Variants in EIF4G3 observed in about 807,000 individuals in gnomAD.
EIF4G3 encodes the protein eIF-4-gamma 3.
EIF4G3 carries 34 observed loss-of-function variants against 186.4 expected under a neutral mutation model. That is an observed-to-expected ratio of 0.18 (90% CI 0.14 to 0.24). The LOEUF is 0.24. EIF4G3 is among the 10% of genes least tolerant of loss of function. The pLI is 1.00. For synonymous variants in EIF4G3, 673 were observed against 679.5 expected (o/e 0.99, Z 0.15); for missense variants, 1,536 against 1,948.5 (o/e 0.79, Z 3.99).
At chr1:20,989,537 A>G (rs2080511728) in intron 7 of EIF4G3, among the ~76,000 whole-genome samples, 2 of 146,606 alleles carry the variant, frequency 1.4e-5, no homozygotes, top group African/African-American at 2.6e-5. Flanking sequence ...AGCCTGGATA[A>G]CAAGAGCAAA....
At position 20,825,965 on chromosome 1, in the gene EIF4G3, G is replaced by A. The variant is rs1255418013; in HGVS notation, c.4270-767C>T. ...TGACAACGGAAAATGCCAGGTTTGAGGCTGTTGCTGTCATCTGAGAGGTAT... is the reference window on the plus strand; with the variant it reads ...TGACAACGGAAAATGCCAGGTTTGAAGCTGTTGCTGTCATCTGAGAGGTAT... On this transcript the variant is annotated intron_variant, in intron 32 of 36. Coordinates refer to ENST00000602326, the MANE Select transcript of EIF4G3 (RefSeq NM_001391906.1). 2.6e-5 allele frequency among the ~76,000 whole-genome samples: 4 copies of A among 152,216 alleles called. No individual in the cohort carries two copies. In the East Asian group the frequency reaches 7.7e-4, roughly 29 times the overall value.
At chr1:20,885,876 T>C (rs950345141) in intron 19 of EIF4G3, among the ~76,000 whole-genome samples, 7 of 152,084 alleles carry the variant, frequency 4.6e-5, no homozygotes, top group Non-Finnish European at 1.0e-4. Flanking sequence ...TTAGGATAAA[T>C]AGGATAAAGA....
At chr1:21,090,940 C>G (rs1278650036) in intron 2 of EIF4G3, among the ~76,000 whole-genome samples, 1 of 151,938 alleles carries the variant, frequency 6.6e-6, no homozygotes, top group Non-Finnish European at 1.5e-5. Context: ...TTATTTAGGC[C>G]AAGATGTCAA....
At chr1:21,031,674 G>A (rs756083262) in intron 4 of EIF4G3, among the ~76,000 whole-genome samples, 6 of 152,246 alleles carry the variant, frequency 3.9e-5, no homozygotes, top group East Asian at 3.9e-4. Context: ...GTAACAGGAT[G>A]TTAGCAGAGA....
chr1:20,860,281 T>C, intron 24 of EIF4G3, 104 bp downstream of exon 24: 2 of 1,486,048 alleles, frequency 1.3e-6, no homozygotes, highest in Admixed American at 1.9e-5. Context: ...ACTCTATTCT[T>C]TGGGCTGTTC....
In EIF4G3 at chr1:20,879,524, G is replaced by C; in HGVS notation, c.2425-4C>G. The C allele has an allele frequency of 2.9e-6, 4 of 1,398,108 alleles. No individual in the cohort carries two copies. The highest frequency in any genetic ancestry group is 3.8e-6 in the Non-Finnish European group (4 of 1,066,628). 86.6% of individuals were successfully genotyped at this position (1,398,108 alleles called of 1,614,324 possible). A position where few individuals can be genotyped will look rare whatever the true frequency, so the allele number is the denominator to read the frequency against. ...TTCGAACTTTTCTAAAAAGCTCCTA[G>C]AAGGGCCACAAAAAAGAAAAAAGCA... On this transcript the variant is annotated splice_region_variant and splice_polypyrimidine_tract_variant and intron_variant, in intron 19 of 36. Coordinates refer to ENST00000602326, the MANE Select transcript of EIF4G3 (RefSeq NM_001391906.1).
intron 4 of EIF4G3, among the ~76,000 whole-genome samples, chr1:21,044,156 T>A (rs2093739811): frequency 6.6e-6 from 1 of 152,164 alleles, no homozygotes; most frequent in South Asian, 2.1e-4. Context: ...ACTGAGTTGG[T>A]CCCCTTGGTG....
intron 2 of EIF4G3, among the ~76,000 whole-genome samples, chr1:21,131,742 G>A (rs2097158215): frequency 1.3e-5 from 2 of 152,074 alleles, no homozygotes; most frequent in Non-Finnish European, 2.9e-5. Flanking sequence ...AGCACTTTTG[G>A]CTGGAGGATA....
intron 2 of EIF4G3, among the ~76,000 whole-genome samples, chr1:21,133,817 C>A (rs1246116395): frequency 1.3e-5 from 2 of 152,178 alleles, no homozygotes; most frequent in African/African-American, 4.8e-5. Flanking sequence ...ACTTTATATA[C>A]TCTAGTCCTC....
rs140810217 is a variant in EIF4G3 at position 21,063,141 on chromosome 1, C to T, written c.-195-12147G>A. Among the ~76,000 whole-genome samples the T allele has an allele frequency of 2.1e-3, 319 of 152,254 alleles. 1 individual carries two copies. Among genetic ancestry groups the T allele is most frequent in the Non-Finnish European group, 3.3e-3 (224 of 68,020 alleles). On this transcript the variant is annotated intron_variant, in intron 3 of 36. Transcript: ENST00000602326. Reference sequence around the variant, plus strand: ...CAATCACAACTCAGTGGCGCCTCCACCTCCCAAGCTCAATCAATCCTCTCA... The same window carrying T: ...CAATCACAACTCAGTGGCGCCTCCATCTCCCAAGCTCAATCAATCCTCTCA...
In EIF4G3 at chr1:20,817,547, T is replaced by TAAA. The variant is rs752771096; in HGVS notation, c.4369-12_4369-10dup. On this transcript the variant is annotated splice_polypyrimidine_tract_variant and intron_variant, in intron 33 of 36. Transcript: ENST00000602326. ...TCTATGAAGTCCAACTTCTGAAACATAAAAGGTGGAACATATTAATATATT... is the reference window on the plus strand; with the variant it reads ...TCTATGAAGTCCAACTTCTGAAACATAAAAAAAGGTGGAACATATTAATATATT... 6.4e-7 allele frequency: 1 copy of TAAA among 1,557,608 alleles called. No individual in the cohort carries two copies. The highest frequency in any genetic ancestry group is 1.2e-5 in the South Asian group (1 of 82,144).
At chr1:20,862,448 C>T (rs2076577241) in intron 22 of EIF4G3, 116 bp from the exon 23 acceptor site, 3 of 629,734 alleles carry the variant, frequency 4.8e-6, no homozygotes, top group Admixed American at 3.4e-5. Flanking sequence ...TGGGGTTTCA[C>T]TCCGTTGCCC....
At chr1:21,125,061 T>C (rs1014686777) in intron 2 of EIF4G3, among the ~76,000 whole-genome samples, 1 of 152,172 alleles carries the variant, frequency 6.6e-6, no homozygotes, top group Admixed American at 6.5e-5. Flanking sequence ...ACAGGCAGTA[T>C]CAGCTACCAC....
intron 4 of EIF4G3, among the ~76,000 whole-genome samples, chr1:21,017,828 CT>C (rs959989557): frequency 3.3e-5 from 5 of 151,966 alleles, no homozygotes; most frequent in Admixed American, 1.3e-4. Flanking sequence ...ATCCAAAACT[CT>C]TCTGGTCCCA....
chr1:21,176,225 G>GA lies in EIF4G3; in HGVS notation c.-323dup. Reference sequence around the variant, plus strand: ...CCCTGATGTTCGGGTGAGGAGGGGGGACCGCTGCCGCCGCCGCCGCCGCCG... The same window carrying GA: ...CCCTGATGTTCGGGTGAGGAGGGGGGAACCGCTGCCGCCGCCGCCGCCGCCG... On this transcript the variant is annotated 5_prime_UTR_variant, in exon 2 of 37. Transcript: ENST00000602326. 1 of 415,010 alleles carries GA rather than the reference G, an allele frequency of 2.4e-6. No homozygotes were observed. Among genetic ancestry groups the GA allele is most frequent in the Non-Finnish European group, 4.2e-6 (1 of 240,238 alleles). 25.7% of individuals were successfully genotyped at this position (415,010 alleles called of 1,614,324 possible).
At chr1:21,152,924 C>G (rs576214106) in intron 2 of EIF4G3, among the ~76,000 whole-genome samples, 1 of 152,164 alleles carries the variant, frequency 6.6e-6, no homozygotes, top group Non-Finnish European at 1.5e-5. Context: ...GAGTTCGAGG[C>G]TACAGTGAGC....
rs750803742 is a variant in EIF4G3, at chr1:20,950,069, C to T, written c.757G>A (p.Gly253Arg). The change falls in exon 13 of 37, where the codon GGG becomes AGG. Residue 253 changes from glycine to arginine, a missense_variant. This residue lies in a region of EIF4G3 where 560 missense variants were observed against 547.8 expected (regional missense o/e 1.02). Transcript: ENST00000602326. ...GCAAGATGAGCGCTCTCCACAGTCC[C>T]ATAAACCACAGGGCTGTGCTCGGGG... is the stretch of plus-strand genomic sequence containing the variant. ...QVPEHSPVVY[G>R]TVESAHLAAS... is the part of the protein sequence containing the mutation. 6.2e-7 allele frequency: 1 copy of T among 1,611,924 alleles called. No homozygotes were observed. The highest frequency in any genetic ancestry group is 8.5e-7 in the Non-Finnish European group (1 of 1,179,234).
intron 18 of EIF4G3, 49 bp downstream of exon 18, chr1:20,893,468 A>C: frequency 6.6e-7 from 1 of 1,509,270 alleles, no homozygotes; most frequent in Non-Finnish European, 9.0e-7. Context: ...GATTTCATGG[A>C]GTCTGTGCCA....
chr1:21,020,705 T>C (rs2090477363), intron 4 of EIF4G3, among the ~76,000 whole-genome samples: 1 of 152,194 alleles, frequency 6.6e-6, no homozygotes, highest in Non-Finnish European at 1.5e-5. Flanking sequence ...CTATACCAAC[T>C]AAAACATTTT....
Sources: gnomAD v4.1 joint callset for allele counts (sites outside exome capture counted in the v4.1 genomes callset) on GRCh38, gnomAD v4.1.1 for gene constraint, gnomAD v4.1.1 regional missense constraint, MANE v1.5 for transcripts, NCBI Gene and HGNC (gene_info 2026-07-23, HGNC 2026-07-21) for gene names.